The following SLC35F3 variants were observed in gnomAD, a reference collection of about 807,000 sequenced individuals.
The protein encoded by SLC35F3 is solute carrier family 35 member F3.
Under a neutral mutation model 49.9 loss-of-function variants are expected in SLC35F3, and 25 were observed. The ratio of observed to expected loss-of-function variants is 0.50; its 90% CI spans 0.37 to 0.70. The LOEUF (loss-of-function observed/expected upper bound fraction) is 0.70, where lower values mean the gene tolerates loss of function less well. Ranked by LOEUF, SLC35F3 falls within the 30% of genes least tolerant of loss-of-function variation. SLC35F3 has a pLI of 0.00. For synonymous variants in SLC35F3, 275 were observed against 265.4 expected (o/e 1.04, Z -0.35); for missense variants, 525 against 639.8 (o/e 0.82, Z 1.94).
chr1:234,063,847 G>A (rs977517065), intron 2 of SLC35F3, among the ~76,000 whole-genome samples: 4 of 152,186 alleles, frequency 2.6e-5, no homozygotes, highest in Non-Finnish European at 5.9e-5. Context: ...CCACTTTTTG[G>A]CATTCACCTA....
At chr1:233,941,085 C>G (rs1424702413) in intron 2 of SLC35F3, among the ~76,000 whole-genome samples, 2 of 152,132 alleles carry the variant, frequency 1.3e-5, no homozygotes, top group Non-Finnish European at 2.9e-5. Flanking sequence ...GCAGTTGGAA[C>G]AGTAACGGAA....
rs563144171 is a variant in SLC35F3, at chr1:234,053,549, T to A, written c.283+147791T>A. 2.0e-5 allele frequency among the ~76,000 whole-genome samples: 3 copies of A among 152,330 alleles called. No individual in the cohort carries two copies. In the South Asian group the frequency reaches 6.2e-4, roughly 32 times the overall value. Reference sequence around the variant, plus strand: ...CCTATGTGTGTCTCTGCATGTGAGATGGGTCTCCTGAATATAGCACACTGT... The same window carrying A: ...CCTATGTGTGTCTCTGCATGTGAGAAGGGTCTCCTGAATATAGCACACTGT... On this transcript the variant is annotated intron_variant, in intron 2 of 7. Coordinates refer to ENST00000366618, the MANE Select transcript of SLC35F3 (RefSeq NM_173508.4).
At chr1:234,243,184 C>G (rs1421094304) in intron 3 of SLC35F3, among the ~76,000 whole-genome samples, 1 of 152,226 alleles carries the variant, frequency 6.6e-6, no homozygotes, top group East Asian at 1.9e-4. Flanking sequence ...GAAACCCTGT[C>G]TCTACTAACA....
chr1:233,970,065 G>A lies in SLC35F3; in HGVS notation c.283+64307G>A, dbSNP rs1328080206. On this transcript the variant is annotated intron_variant, in intron 2 of 7. Transcript: ENST00000366618. ...TAGTGGGACAGTTTGCTACCTCTCAGCAATGCAAGGGTCCTGTTTGAAAAT... is the reference window on the plus strand; with the variant it reads ...TAGTGGGACAGTTTGCTACCTCTCAACAATGCAAGGGTCCTGTTTGAAAAT... Among the ~76,000 whole-genome samples, 2 of 152,166 alleles carry A rather than the reference G, an allele frequency of 1.3e-5. 1 individual carries two copies. The highest frequency in any genetic ancestry group is 1.3e-4 in the Admixed American group (2 of 15,280).
intron 3 of SLC35F3, among the ~76,000 whole-genome samples, chr1:234,288,704 A>G (rs1459108032): frequency 2.0e-5 from 3 of 152,226 alleles, no homozygotes; most frequent in Admixed American, 6.5e-5. Context: ...CAAAGTTGCT[A>G]TTCAAATGTC....
At chr1:234,030,059 A>G (rs907191779) in intron 2 of SLC35F3, among the ~76,000 whole-genome samples, 2 of 152,208 alleles carry the variant, frequency 1.3e-5, no homozygotes, top group Admixed American at 6.5e-5. Context: ...TTAAATATGT[A>G]TAATTAAATG....
Position 234,096,328 on chromosome 1 carries a change from G to A in SLC35F3, c.284-135089G>A, listed in dbSNP as rs1029032996. On this transcript the variant is annotated intron_variant, in intron 2 of 7. Transcript: ENST00000366618. ...GGGAAAGCAGCCCGCTTCTCCCTCC[G>A]TTTGGCTACACAGGAAGGATCAGTT... Among the ~76,000 whole-genome samples the A allele has an allele frequency of 5.9e-5, 9 of 152,092 alleles. No individual in the cohort carries two copies. In the East Asian group the frequency reaches 7.7e-4, roughly 13 times the overall value.
chr1:233,943,116 A>G (rs1220073020), intron 2 of SLC35F3, among the ~76,000 whole-genome samples: 1 of 152,248 alleles, frequency 6.6e-6, no homozygotes. Context: ...ATTGTAGGAA[A>G]TAGCCAAACA....
intron 2 of SLC35F3, among the ~76,000 whole-genome samples, chr1:234,115,321 G>A (rs1362491023): frequency 1.3e-5 from 2 of 152,186 alleles, no homozygotes; most frequent in African/African-American, 2.4e-5. Context: ...GCGTGGACTT[G>A]TGGTGCTTTG....
chr1:234,064,015 G>GT (rs1306270696), intron 2 of SLC35F3, among the ~76,000 whole-genome samples: 1 of 152,172 alleles, frequency 6.6e-6, no homozygotes, highest in Non-Finnish European at 1.5e-5. Flanking sequence ...TGAACTGTTT[G>GT]TTTTTATAAT....
intron 2 of SLC35F3, among the ~76,000 whole-genome samples, chr1:234,079,516 G>A (rs929852300): frequency 2.6e-5 from 4 of 152,126 alleles, no homozygotes; most frequent in Non-Finnish European, 5.9e-5. Context: ...TTTGAGTTTA[G>A]CATTCAGAAT....
intron 2 of SLC35F3, among the ~76,000 whole-genome samples, chr1:234,070,764 T>G (rs1324573207): frequency 6.7e-6 from 1 of 149,278 alleles, no homozygotes; most frequent in Non-Finnish European, 1.5e-5. Flanking sequence ...AGTTTTTTTT[T>G]GTAAGGTTAT....
At chr1:234,236,656 G>A (rs1333698425) in intron 3 of SLC35F3, among the ~76,000 whole-genome samples, 8 of 151,920 alleles carry the variant, frequency 5.3e-5, no homozygotes, top group African/African-American at 1.9e-4. Flanking sequence ...AGCAGATGCT[G>A]GCAAGCCTCC....
chr1:234,129,375 C>A (rs1200902001), intron 2 of SLC35F3, among the ~76,000 whole-genome samples: 1 of 152,126 alleles, frequency 6.6e-6, no homozygotes, highest in Non-Finnish European at 1.5e-5. Context: ...CAATACATTA[C>A]ACAAAAAATA....
At chr1:233,956,336 CAT>C (rs1662702006) in intron 2 of SLC35F3, among the ~76,000 whole-genome samples, 1 of 152,182 alleles carries the variant, frequency 6.6e-6, no homozygotes, top group Non-Finnish European at 1.5e-5. Flanking sequence ...CACACACACA[CAT>C]GCAACTAACC....
At chr1:233,908,865 A>ATT (rs34305457) in intron 2 of SLC35F3, among the ~76,000 whole-genome samples, 1 of 142,014 alleles carries the variant, frequency 7.0e-6, no homozygotes, top group South Asian at 2.3e-4. Flanking sequence ...AAATAATAGT[A>ATT]TTTTTTTTTA....
intron 2 of SLC35F3, among the ~76,000 whole-genome samples, chr1:234,034,657 A>C (rs1664113480): frequency 6.6e-6 from 1 of 152,038 alleles, no homozygotes. Flanking sequence ...AGTAGCTGGG[A>C]TTATAGGCAC....
At chr1:234,172,077 G>A (rs989846130) in intron 2 of SLC35F3, among the ~76,000 whole-genome samples, 1 of 152,114 alleles carries the variant, frequency 6.6e-6, no homozygotes, top group Non-Finnish European at 1.5e-5. Context: ...TTGCTTGCAT[G>A]GATTTCTGTG....
chr1:234,055,363 C>T (rs1161538642), intron 2 of SLC35F3, among the ~76,000 whole-genome samples: 2 of 152,188 alleles, frequency 1.3e-5, no homozygotes, highest in South Asian at 2.1e-4. Flanking sequence ...ATGGCGGACA[C>T]CCCTCTCCCA....
Sources: gnomAD v4.1 joint callset for allele counts (sites outside exome capture counted in the v4.1 genomes callset) on GRCh38, gnomAD v4.1.1 for gene constraint, MANE v1.5 for transcripts, NCBI Gene and HGNC (gene_info 2026-07-23, HGNC 2026-07-21) for gene names.